The following ZNRF2 variants were observed in gnomAD, a reference collection of about 807,000 sequenced individuals.
The protein encoded by ZNRF2 is zinc and ring finger 2, also known as E3 ubiquitin-protein ligase ZNRF2.
A neutral mutation model predicts 20.4 loss-of-function variants in ZNRF2; 16 were observed. The ratio of observed to expected loss-of-function variants is 0.79; its 90% CI spans 0.53 to 1.19. The LOEUF is 1.19. Among genes scored for constraint, ZNRF2 ranks in the 50% most tolerant of loss-of-function variants. The pLI is 0.00. For synonymous variants in ZNRF2, 178 were observed against 144.9 expected, an observed-to-expected ratio of 1.23 and a Z score of -1.64; for missense variants, 363 against 332.4, an observed-to-expected ratio of 1.09 and a Z score of -0.72.
chr7:30,284,984 C>A lies in ZNRF2; in HGVS notation c.-374C>A. 2.9e-6 allele frequency: 1 copy of A among 339,420 alleles called. No individual in the cohort carries two copies. The highest frequency in any genetic ancestry group is 5.9e-6 in the Non-Finnish European group (1 of 170,338). 21.0% of individuals were successfully genotyped at this position (339,420 alleles called of 1,614,324 possible). A position where few individuals can be genotyped will look rare whatever the true frequency, so the allele number is the denominator to read the frequency against. Reference sequence around the variant, plus strand: ...GAGGAGGCGGTGCCGAGATCGGGGGCGCCGAGCGCGGCAGCAGAGAGCGGT... The same window carrying A: ...GAGGAGGCGGTGCCGAGATCGGGGGAGCCGAGCGCGGCAGCAGAGAGCGGT... On this transcript the variant is annotated 5_prime_UTR_variant, in exon 1 of 5. Coordinates refer to ENST00000323037, the MANE Select transcript of ZNRF2 (RefSeq NM_147128.4).
At chr7:30,358,375 T>C (rs1051940232) in intron 3 of ZNRF2, among the ~76,000 whole-genome samples, 2 of 152,240 alleles carry the variant, frequency 1.3e-5, no homozygotes, top group East Asian at 1.9e-4. Context: ...TGTAAGACTT[T>C]AGATAAAATT....
At chr7:30,302,151 AC>A in intron 1 of ZNRF2, among the ~76,000 whole-genome samples, 1 of 152,292 alleles carries the variant, frequency 6.6e-6, no homozygotes. Context: ...AAGAGCTCTT[AC>A]TTTTTAAAAA....
chr7:30,329,888 C>A (rs1357906955), intron 2 of ZNRF2, among the ~76,000 whole-genome samples: 1 of 152,136 alleles, frequency 6.6e-6, no homozygotes, highest in African/African-American at 2.4e-5. Context: ...CTGTACTGTT[C>A]TCCATAATGG....
chr7:30,317,913 T>G (rs1799402834), intron 1 of ZNRF2, among the ~76,000 whole-genome samples: 1 of 152,206 alleles, frequency 6.6e-6, no homozygotes, highest in African/African-American at 2.4e-5. Flanking sequence ...GGAGGTTACT[T>G]GCTGTAAAAA....
intron 2 of ZNRF2, among the ~76,000 whole-genome samples, chr7:30,353,626 C>A (rs1225724666): frequency 2.6e-5 from 4 of 152,026 alleles, no homozygotes; most frequent in African/African-American, 9.7e-5. Context: ...TATAAATTTT[C>A]TTATAAATAG....
intron 1 of ZNRF2, among the ~76,000 whole-genome samples, chr7:30,288,603 C>T (rs1562601298): frequency 6.6e-6 from 1 of 152,206 alleles, no homozygotes; most frequent in Non-Finnish European, 1.5e-5. Flanking sequence ...TATATACACT[C>T]TTATTCTCTC....
Position 30,285,963 on chromosome 7 carries a change from C to T in ZNRF2, c.469+137C>T, listed in dbSNP as rs1019407682. 7 of 1,318,960 alleles carry T rather than the reference C, an allele frequency of 5.3e-6. No homozygotes were observed. The African/African-American group carries it at 1.1e-4, about 20-fold the overall frequency. The allele number at this position is 1,318,960 out of a possible 1,614,324, so 81.7% of individuals were successfully genotyped here. On this transcript the variant is annotated intron_variant, in intron 1 of 4. Transcript: ENST00000323037. ...GGCTGCCTCCCGGACCAGCCCGCGT[C>T]GGTCTCCATCCTGGAAGAAACCCGG...
chr7:30,352,480 T>C (rs1050760845), intron 2 of ZNRF2, among the ~76,000 whole-genome samples: 1 of 152,108 alleles, frequency 6.6e-6, no homozygotes, highest in Non-Finnish European at 1.5e-5. Context: ...ATAGATTACA[T>C]GAATAAGACA....
intron 1 of ZNRF2, among the ~76,000 whole-genome samples, chr7:30,312,050 T>G (rs1228341742): frequency 6.6e-6 from 1 of 152,192 alleles, no homozygotes; most frequent in African/African-American, 2.4e-5. Flanking sequence ...CTATCAAATT[T>G]TGTTAGGTAC....
At chr7:30,314,373 C>A (rs187417459) in intron 1 of ZNRF2, among the ~76,000 whole-genome samples, 2 of 152,110 alleles carry the variant, frequency 1.3e-5, no homozygotes, top group Admixed American at 6.6e-5. Context: ...AGGAAAATAC[C>A]CTCTGTCAGT....
chr7:30,348,908 C>T (rs1177879273), intron 2 of ZNRF2, among the ~76,000 whole-genome samples: 6 of 152,182 alleles, frequency 3.9e-5, no homozygotes, highest in Non-Finnish European at 5.9e-5. Context: ...TACTTACATA[C>T]TTCACTTTCA....
chr7:30,340,509 T>G (rs1264494540), intron 2 of ZNRF2, among the ~76,000 whole-genome samples: 2 of 152,170 alleles, frequency 1.3e-5, no homozygotes, highest in Admixed American at 1.3e-4. Context: ...AATCATGTGG[T>G]TTTTGTCATT....
intron 2 of ZNRF2, among the ~76,000 whole-genome samples, chr7:30,326,340 A>C (rs1325494448): frequency 6.6e-6 from 1 of 152,018 alleles, no homozygotes; most frequent in Non-Finnish European, 1.5e-5. Context: ...CTTTGTGTCC[A>C]TGTGCTCTCA....
intron 1 of ZNRF2, among the ~76,000 whole-genome samples, chr7:30,320,176 G>A (rs1395705948): frequency 6.6e-6 from 1 of 151,970 alleles, no homozygotes. Context: ...CCTCTGCCAT[G>A]TGTCCCAAAT....
chr7:30,363,180 C>G (rs1800155266), intron 4 of ZNRF2, among the ~76,000 whole-genome samples: 1 of 152,096 alleles, frequency 6.6e-6, no homozygotes, highest in South Asian at 2.1e-4. Context: ...TTGCAGTGAG[C>G]CGAGATCATG....
At chr7:30,345,579 CT>C (rs1799864207) in intron 2 of ZNRF2, among the ~76,000 whole-genome samples, 1 of 151,672 alleles carries the variant, frequency 6.6e-6, no homozygotes, top group Non-Finnish European at 1.5e-5. Flanking sequence ...TCTTCCTAGC[CT>C]TTTCTGGATC....
At chr7:30,361,973 G>A (rs899446995) in intron 3 of ZNRF2, among the ~76,000 whole-genome samples, 1 of 152,076 alleles carries the variant, frequency 6.6e-6, no homozygotes, top group Non-Finnish European at 1.5e-5. Context: ...TGAAATATTG[G>A]CAAGGATTAA....
intron 4 of ZNRF2, among the ~76,000 whole-genome samples, chr7:30,364,910 C>T (rs1259456382): frequency 2.0e-5 from 3 of 152,094 alleles, no homozygotes; most frequent in Admixed American, 2.0e-4. Flanking sequence ...GCCAGTAGAT[C>T]TGGTGTCTGA....
chr7:30,311,094 G>T (rs1421804556), intron 1 of ZNRF2, among the ~76,000 whole-genome samples: 1 of 152,120 alleles, frequency 6.6e-6, no homozygotes, highest in Non-Finnish European at 1.5e-5. Flanking sequence ...CCAGTCTACT[G>T]CTGCGGTACT....
Sources: allele counts gnomAD v4.1 joint callset (sites outside exome capture counted in the v4.1 genomes callset), GRCh38; gene constraint gnomAD v4.1.1; transcripts MANE v1.5; gene names NCBI Gene and HGNC (gene_info 2026-07-23, HGNC 2026-07-21).